Variants in NEBL observed in about 807,000 individuals in gnomAD.
The protein encoded by NEBL is nebulette, also known as LIM and SH3 protein 2.
Under a neutral mutation model 140.2 loss-of-function variants are expected in NEBL, and 122 were observed. The ratio of observed to expected loss-of-function variants is 0.87; its 90% CI spans 0.75 to 1.01. The LOEUF is 1.01. NEBL is among the 50% of genes least tolerant of loss of function. NEBL has a pLI of 0.00. For synonymous variants in NEBL, 436 were observed against 398.9 expected, an observed-to-expected ratio of 1.09 and a Z score of -1.11; for missense variants, 1,365 against 1,231.3, an observed-to-expected ratio of 1.11 and a Z score of -1.62.
chr10:20,920,542 T>C (rs1478907958), intron 4 of NEBL, among the ~76,000 whole-genome samples: 2 of 152,184 alleles, frequency 1.3e-5, no homozygotes, highest in Non-Finnish European at 2.9e-5. Flanking sequence ...GAGTGTGTAC[T>C]GTAAATTACC....
chr10:20,787,555 T>C (rs1013185729), intron 26 of NEBL, among the ~76,000 whole-genome samples: 9 of 152,110 alleles, frequency 5.9e-5, no homozygotes, highest in Non-Finnish European at 1.3e-4. Flanking sequence ...TTCTTGTGGC[T>C]CTATTGCAGA....
chr10:20,839,813 T>C (rs1215393899), intron 13 of NEBL, among the ~76,000 whole-genome samples: 1 of 152,126 alleles, frequency 6.6e-6, no homozygotes, highest in Non-Finnish European at 1.5e-5. Context: ...TGATTGGAAC[T>C]ATAAAAAGGG....
intron 3 of NEBL, among the ~76,000 whole-genome samples, chr10:20,992,495 G>A (rs1331830852): frequency 2.0e-5 from 3 of 152,092 alleles, no homozygotes; most frequent in African/African-American, 7.2e-5. Context: ...CTCAAGGGTG[G>A]CACAGGCCCC....
intron 3 of NEBL, among the ~76,000 whole-genome samples, chr10:21,247,574 G>T (rs1842533970): frequency 2.0e-5 from 3 of 152,126 alleles, no homozygotes. Context: ...TCAGCAAGTG[G>T]CTGGTCTGCT....
chr10:21,183,236 G>A (rs78030908), intron 3 of NEBL, among the ~76,000 whole-genome samples: 14 of 152,282 alleles, frequency 9.2e-5, no homozygotes, highest in Non-Finnish European at 1.6e-4. Context: ...ATGAATGAAT[G>A]AGTCACCATG....
chr10:21,178,427 T>C (rs1485728569), upstream of NEBL, among the ~76,000 whole-genome samples: 1 of 152,160 alleles, frequency 6.6e-6, no homozygotes, highest in Non-Finnish European at 1.5e-5. Flanking sequence ...CTACTCTAGA[T>C]ACCATGGAAG....
chr10:21,157,706 T>C (rs914098065), intron 2 of NEBL, among the ~76,000 whole-genome samples: 1 of 152,210 alleles, frequency 6.6e-6, no homozygotes. Context: ...AGTGAACCTG[T>C]TGGAGTTGAA....
At chr10:21,106,980 C>G (rs191711397) in intron 2 of NEBL, among the ~76,000 whole-genome samples, 4 of 152,028 alleles carry the variant, frequency 2.6e-5, no homozygotes, top group Non-Finnish European at 1.5e-5. Context: ...TGATTTGGCT[C>G]TCTGTCTGTT....
intron 1 of NEBL, among the ~76,000 whole-genome samples, chr10:21,284,333 T>C (rs972826620): frequency 2.0e-5 from 3 of 152,112 alleles, no homozygotes; most frequent in Non-Finnish European, 4.4e-5. Flanking sequence ...TTTTGTTCTT[T>C]CTAATCATTA....
At chr10:21,246,711 G>A (rs1338152956) in intron 3 of NEBL, among the ~76,000 whole-genome samples, 5 of 152,076 alleles carry the variant, frequency 3.3e-5, no homozygotes, top group Non-Finnish European at 7.4e-5. Flanking sequence ...GTGCATGCCT[G>A]TAGTTCCAGC....
intron 2 of NEBL, among the ~76,000 whole-genome samples, chr10:21,038,247 G>T (rs1834098806): frequency 1.3e-5 from 2 of 152,138 alleles, no homozygotes; most frequent in Non-Finnish European, 2.9e-5. Flanking sequence ...AGAACATGCA[G>T]GTTTGTTACA....
intron 1 of NEBL, among the ~76,000 whole-genome samples, chr10:21,275,172 G>A (rs898769873): frequency 3.9e-5 from 6 of 152,142 alleles, no homozygotes; most frequent in South Asian, 2.1e-4. Flanking sequence ...CCTCATGAGC[G>A]ACCCTGGAGC....
At position 20,865,763 on chromosome 10, in the gene NEBL, G is replaced by A. The variant is rs1035406823; in HGVS notation, c.684+2901C>T. On this transcript the variant is annotated intron_variant, in intron 7 of 27. Coordinates refer to ENST00000377122, the MANE Select transcript of NEBL (RefSeq NM_006393.3). ...CAGTAGCCTCCTGAGTTATAAAGTC[G>A]CTTTATAAGTGAAAGTCCCTTGTTA... Among the ~76,000 whole-genome samples the A allele has an allele frequency of 4.6e-5, 7 of 152,242 alleles. 1 individual carries two copies. The highest frequency in any genetic ancestry group is 4.1e-4 in the South Asian group (2 of 4,820).
chr10:21,001,402 T>C (rs116535576), intron 3 of NEBL, among the ~76,000 whole-genome samples: 1,609 of 152,200 alleles, frequency 0.011, 24 homozygotes, highest in African/African-American at 0.037. Flanking sequence ...ATCAGAAAGA[T>C]TTTTCCAACT....
chr10:20,933,012 T>G (rs1055411024), intron 4 of NEBL, among the ~76,000 whole-genome samples: 4 of 152,174 alleles, frequency 2.6e-5, no homozygotes, highest in African/African-American at 7.2e-5. Flanking sequence ...TTAGGTACAT[T>G]AGATACTAAC....
intron 4 of NEBL, among the ~76,000 whole-genome samples, chr10:20,885,785 T>C (rs923155470): frequency 1.3e-5 from 2 of 152,212 alleles, no homozygotes; most frequent in Non-Finnish European, 2.9e-5. Context: ...AATTATCTGC[T>C]TTTTAAAGTG....
At chr10:20,802,495 A>C (rs1485626953) in intron 26 of NEBL, among the ~76,000 whole-genome samples, 1 of 152,226 alleles carries the variant, frequency 6.6e-6, no homozygotes, top group East Asian at 1.9e-4. Context: ...TGGTAACTTA[A>C]TACATTGAAA....
chr10:20,929,399 T>C (rs1834069617), intron 4 of NEBL, among the ~76,000 whole-genome samples: 1 of 152,110 alleles, frequency 6.6e-6, no homozygotes, highest in Admixed American at 6.6e-5. Context: ...CCTTTCCTAG[T>C]CAATAAAATT....
intron 3 of NEBL, among the ~76,000 whole-genome samples, chr10:20,970,570 G>T (rs547263335): frequency 6.6e-6 from 1 of 151,996 alleles, no homozygotes; most frequent in African/African-American, 2.4e-5. Context: ...GATTGCTTGA[G>T]CCTGTGAGGT....
Sources: gnomAD v4.1 joint callset for allele counts (sites outside exome capture counted in the v4.1 genomes callset) on GRCh38, gnomAD v4.1.1 for gene constraint, MANE v1.5 for transcripts, NCBI Gene and HGNC (gene_info 2026-07-23, HGNC 2026-07-21) for gene names.